TTN: variants seen among roughly 807,000 people sequenced by gnomAD.
TTN encodes titin.
TTN carries 1,525 observed loss-of-function variants against 3,223.0 expected under a neutral mutation model. That is an observed-to-expected ratio of 0.47 (90% confidence interval 0.45 to 0.49). TTN has a LOEUF of 0.49. Among genes scored for constraint, TTN ranks in the 20% least tolerant of loss-of-function variants. The pLI, the probability that TTN is intolerant of heterozygous loss-of-function variation, is 0.00. For synonymous variants in TTN, 14,094 were observed against 15,161.0 expected (o/e 0.93, Z 5.17); for missense variants, 40,786 against 43,424.0 (o/e 0.94, Z 5.40).
At chr2:178,653,145 A>C in intron 198 of TTN, 21 bp from the exon 199 acceptor site, 1 of 1,606,824 alleles carries the variant, frequency 6.2e-7, no homozygotes, top group African/African-American at 1.4e-5. Context: ...ATTAGGTAAA[A>C]TTACATTTAG....
chr2:178,710,896 T>A lies in TTN; in HGVS notation c.28201A>T (p.Ile9401Phe). 1 of 1,613,410 alleles carries A rather than the reference T, an allele frequency of 6.2e-7. No homozygotes were observed. The highest frequency in any genetic ancestry group is 1.7e-4 in the Middle Eastern group (1 of 6,054). ...ACAGCATCCACAGGGGCAAGACGGA[T>A]GTCAAAGAAGGGTGGGTTCTTCCCC... ...TEGKNPPFFD[I>F]RLAPVDAVVG... is the part of the protein sequence containing the mutation. The change falls in exon 98 of 363, where the codon ATC (isoleucine) becomes TTC (phenylalanine). Residue 9401 changes from isoleucine (I) to phenylalanine (F), a missense_variant. By Grantham distance (21) the Ile-to-Phe change is conservative. Coordinates refer to ENST00000589042, the MANE Select transcript of TTN (RefSeq NM_001267550.2).
chr2:178,710,840 G>T lies in TTN; in HGVS notation c.28257C>A (p.His9419Gln), dbSNP rs762212243. The T allele has an allele frequency of 6.2e-7, 1 of 1,613,808 alleles. No individual in the cohort carries two copies. The highest frequency in any genetic ancestry group is 1.1e-5 in the South Asian group (1 of 91,082). Residue 9419 changes from histidine to glutamine, a missense_variant, in exon 98 of 363, where the codon CAC becomes CAA. Physicochemically the swap from His to Gln is conservative, Grantham distance 24. Coordinates refer to ENST00000589042, the MANE Select transcript of TTN (RefSeq NM_001267550.2). ...CCTTTATCGGTTGTGTGCCCGTGAC[G>T]TGGCACTCAAAGTCAGCACTTTCTC... ...VVGESADFEC[H>Q]VTGTQPIKVS...
In TTN at chr2:178,611,107, T is replaced by C; in HGVS notation, c.51022A>G (p.Ile17008Val). The change falls in exon 270 of 363, where the codon ATC becomes GTC. Residue 17008 changes from isoleucine (I) to valine (V), a missense_variant. Physicochemically the swap from Ile to Val is conservative, Grantham distance 29. Transcript: ENST00000589042. The part of the protein sequence containing the change: ...SDRLTMKNDH[I>V]SAHLEVPKSV... ...TTGGGAACTTCAAGGTGTGCAGAGA[T>C]GTGATCATTCTTCATTGTTAATCTA... The C allele has an allele frequency of 6.2e-7, 1 of 1,612,876 alleles. No individual in the cohort carries two copies. The highest frequency in any genetic ancestry group is 8.5e-7 in the Non-Finnish European group (1 of 1,179,244).
chr2:178,579,436 G>A, intron 319 of TTN, 43 bp from the exon 320 acceptor site: 1 of 1,558,370 alleles, frequency 6.4e-7, no homozygotes, highest in East Asian at 2.3e-5. Context: ...TTTAAGGCCA[G>A]GCGATTAACT....
chr2:178,642,116 C>A, intron 219 of TTN, 121 bp downstream of exon 219: 18 of 740,394 alleles, frequency 2.4e-5, no homozygotes, highest in South Asian at 1.4e-4. Context: ...AAACTACAAA[C>A]AAATTTTGAT....
At chr2:178,646,760 T>C (rs545983123) in intron 215 of TTN, among the ~76,000 whole-genome samples, 3 of 152,214 alleles carry the variant, frequency 2.0e-5, no homozygotes, top group African/African-American at 7.2e-5. Context: ...TCAATGTATA[T>C]TGATGGCAAA....
chr2:178,726,457 G>A lies in TTN; in HGVS notation c.20276-411C>T, dbSNP rs116715244. On this transcript the variant is annotated intron_variant, in intron 69 of 362. Transcript: ENST00000589042. ...ACACTTGGAAGTCATCACAACATCCGTGATCTAAGTCTTCCATTTCAGCAA... is the reference window on the plus strand; with the variant it reads ...ACACTTGGAAGTCATCACAACATCCATGATCTAAGTCTTCCATTTCAGCAA... 7.0e-3 allele frequency: 1,084 copies of A among 155,230 alleles called. 4 individuals carry two copies. The highest frequency in any genetic ancestry group is 0.022 in the African/African-American group (927 of 41,478). 9.6% of individuals were successfully genotyped at this position (155,230 alleles called of 1,614,324 possible). A position where few individuals can be genotyped will look rare whatever the true frequency, so the allele number is the denominator to read the frequency against.
intron 62 of TTN, 72 bp downstream of exon 62, chr2:178,730,021 T>TCCGCCCC: frequency 1.9e-6 from 3 of 1,558,092 alleles, no homozygotes; most frequent in Non-Finnish European, 2.6e-6. Flanking sequence ...GTCTTAAGCG[T>TCCGCCCC]CCCCCGCCCC....
In TTN at chr2:178,545,951, CATT is replaced by C; in HGVS notation, c.95282_95284del (p.Glu31761_Cys31762delinsGly). On this transcript the variant is annotated inframe_deletion, in exon 343 of 363. Coordinates refer to ENST00000589042, the MANE Select transcript of TTN (RefSeq NM_001267550.2). ...GGTAACGACATAGGATAGGGTTGGGCATTCGCCTTCAACAATCACCCAGTTGAG... is the reference window on the plus strand; with the variant it reads ...GGTAACGACATAGGATAGGGTTGGGCCGCCTTCAACAATCACCCAGTTGAG... 6.2e-7 allele frequency: 1 copy of C among 1,613,832 alleles called. No homozygotes were observed. Among genetic ancestry groups the C allele is most frequent in the Non-Finnish European group, 8.5e-7 (1 of 1,179,786 alleles).
chr2:178,556,408 G>C, intron 330 of TTN: 1 of 200,592 alleles, frequency 5.0e-6, no homozygotes, highest in Non-Finnish European at 9.8e-6. Context: ...TACAGCCTGG[G>C]CGACAGAGTG....
chr2:178,778,445 C>T (rs1574690873), intron 24 of TTN: 1 of 301,406 alleles, frequency 3.3e-6, no homozygotes, highest in East Asian at 8.8e-5. Flanking sequence ...ACTCCATCTA[C>T]ACATTGCAGC....
chr2:178,683,044 C>A, intron 134 of TTN, 141 bp from the exon 135 acceptor site: 1 of 1,007,060 alleles, frequency 9.9e-7, no homozygotes, highest in Middle Eastern at 3.0e-4. Context: ...TCTTTTTTGG[C>A]CAGTCAAGGT....
At chr2:178,798,682 C>T (rs1256542236) in intron 6 of TTN, 2 of 152,114 alleles carry the variant, frequency 1.3e-5, no homozygotes, top group Non-Finnish European at 2.9e-5. Context: ...AACTGCTTAA[C>T]TTCTTTAATT....
In TTN at chr2:178,536,139, G is replaced by A; in HGVS notation, c.100608C>T (p.Ile33536=). ...IVKWYRQGKE[I]IADGLKYRIQ... is the part of the protein sequence containing the mutation. ...TCCTATATTTTAATCCATCTGCAATGATTTCTTTGCCTTGTCTGTACCATT... is the reference window on the plus strand; with the variant it reads ...TCCTATATTTTAATCCATCTGCAATAATTTCTTTGCCTTGTCTGTACCATT... Residue 33536 remains isoleucine, a synonymous_variant, in exon 357 of 363, where the codon ATC becomes ATT. Coordinates refer to ENST00000589042, the MANE Select transcript of TTN (RefSeq NM_001267550.2). 6.2e-7 allele frequency: 1 copy of A among 1,613,686 alleles called. No homozygotes were observed. The highest frequency in any genetic ancestry group is 8.5e-7 in the Non-Finnish European group (1 of 1,179,716).
chr2:178,622,698 T>G lies in TTN; in HGVS notation c.44885A>C (p.Glu14962Ala). The G allele has an allele frequency of 4.4e-6, 7 of 1,607,376 alleles. No homozygotes were observed. The highest frequency in any genetic ancestry group is 5.9e-6 in the Non-Finnish European group (7 of 1,176,808). Residue 14962 changes from glutamate to alanine, a missense_variant, in exon 243 of 363, where the codon GAG becomes GCG. By Grantham distance (107) the Glu-to-Ala change is moderately radical. Coordinates refer to ENST00000589042, the MANE Select transcript of TTN (RefSeq NM_001267550.2). ...QVREKEMARFECELSRENAKV... is the reference protein window; with the variant it reads ...QVREKEMARFACELSRENAKV... ...AGCATTTTCTCGGGAAAGTTCACACTCAAATCGAGCCATTTCTTTTTCTCT... is the reference window on the plus strand; with the variant it reads ...AGCATTTTCTCGGGAAAGTTCACACGCAAATCGAGCCATTTCTTTTTCTCT...
Position 178,712,572 on chromosome 2 carries a change from C to G in TTN, c.27350G>C (p.Arg9117Thr), listed in dbSNP as rs375907742. Residue 9117 changes from arginine (R) to threonine (T), a missense_variant, in exon 95 of 363, where the codon AGG (arginine) becomes ACG (threonine). Coordinates refer to ENST00000589042, the MANE Select transcript of TTN (RefSeq NM_001267550.2). The part of the protein sequence containing the change: ...YIKAPAKFVK[R>T]LNDYSIEKGK... ...TTTCTCTATGCTGTAATCATTCAGC[C>G]TCTTCACAAATTTGGCTGGGGCTAA... The G allele has an allele frequency of 2.2e-5, 36 of 1,612,370 alleles. No homozygotes were observed. In the Admixed American group the frequency reaches 3.3e-4, roughly 15 times the overall value.
chr2:178,766,732 T>A (rs1405915169), intron 40 of TTN, 120 bp from the exon 41 acceptor site: 1 of 768,494 alleles, frequency 1.3e-6, no homozygotes, highest in African/African-American at 1.7e-5. Flanking sequence ...CAATATATTA[T>A]AATGTAATAA....
Position 178,679,393 on chromosome 2 carries a change from C to T in TTN, c.33688G>A (p.Glu11230Lys), listed in dbSNP as rs759808680. 19 of 1,612,608 alleles carry T rather than the reference C, an allele frequency of 1.2e-5. No individual in the cohort carries two copies. The Admixed American group carries it at 3.2e-4, about 27-fold the overall frequency. Residue 11230 changes from glutamate (E) to lysine (K), a missense_variant, in exon 142 of 363, where the codon GAG (glutamate) becomes AAG (lysine). Transcript: ENST00000589042. ...GGAATAAGCACAGGAACTTTCTCCT[C>T]TGGCTTCTTAGGAACCTCAGGCACT... ...AKVPEVPKKPEEKVPVLIPKK... is the reference protein window; with the variant it reads ...AKVPEVPKKPKEKVPVLIPKK...
chr2:178,620,080 CTG>C lies in TTN; in HGVS notation c.46335_46336del (p.His15445GlnfsTer11). 1 of 1,611,522 alleles carries C rather than the reference CTG, an allele frequency of 6.2e-7. No individual in the cohort carries two copies. Among genetic ancestry groups the C allele is most frequent in the Non-Finnish European group, 8.5e-7 (1 of 1,178,678 alleles). The stretch of plus-strand genomic sequence containing the variant: ...CAGCCTGCAATCTTTTATAATGAGT[CTG>C]TGTATACTTCCATCTTTTTCAAATT... On this transcript the variant is annotated frameshift_variant, in exon 249 of 363. Transcript: ENST00000589042. LOFTEE classifies it high-confidence loss of function.
Sources: allele counts gnomAD v4.1 joint callset (sites outside exome capture counted in the v4.1 genomes callset), GRCh38; gene constraint gnomAD v4.1.1; transcripts MANE v1.5; gene names NCBI Gene and HGNC (gene_info 2026-07-23, HGNC 2026-07-21).